The following FBXO28 variants were observed in gnomAD, a reference collection of about 807,000 sequenced individuals.
The protein encoded by FBXO28 is F-box only protein 28.
A neutral mutation model predicts 38.1 loss-of-function variants in FBXO28; 8 were observed. The observed-to-expected ratio is 0.21, with a 90% CI of 0.12 to 0.38. The LOEUF is 0.38. Among genes scored for constraint, FBXO28 ranks in the 10% least tolerant of loss-of-function variants. The probability of loss-of-function intolerance (pLI) is 1.00; values close to 1 mark genes in which losing one functional copy is unlikely to be tolerated. For missense variants in FBXO28, 345 were observed against 460.6 expected (o/e 0.75, Z 2.30); for synonymous variants, 168 against 173.8 (o/e 0.97, Z 0.26).
chr1:224,130,774 C>A, intron 2 of FBXO28, 193 bp downstream of exon 2: 1 of 461,072 alleles, frequency 2.2e-6, no homozygotes, highest in Non-Finnish European at 3.9e-6. Context: ...GAGGTTCTAG[C>A]CAGAGAAATT....
intron 2 of FBXO28, 41 bp from the exon 3 acceptor site, chr1:224,134,033 C>A: frequency 7.0e-7 from 1 of 1,426,594 alleles, no homozygotes; most frequent in Non-Finnish European, 9.2e-7. Context: ...CACAATACTG[C>A]TTTAATGGTT....
At chr1:224,133,828 A>AATATAT (rs5781349) in intron 2 of FBXO28, among the ~76,000 whole-genome samples, 23 of 148,628 alleles carry the variant, frequency 1.5e-4, no homozygotes, top group African/African-American at 5.4e-4. Context: ...ACCTAATTAA[A>AATATAT]ATATATATAT....
intron 3 of FBXO28, among the ~76,000 whole-genome samples, chr1:224,135,261 T>C (rs915885829): frequency 3.3e-5 from 5 of 152,152 alleles, no homozygotes; most frequent in Admixed American, 2.0e-4. Flanking sequence ...AACTTTTAAG[T>C]GTTCCTGAGT....
At chr1:224,144,522 G>A (rs977571061) in intron 3 of FBXO28, among the ~76,000 whole-genome samples, 1 of 152,106 alleles carries the variant, frequency 6.6e-6, no homozygotes, top group Non-Finnish European at 1.5e-5. Flanking sequence ...CACTTTGGGA[G>A]GCGGAGGTGT....
At chr1:224,156,554 A>C (rs1320099127) in intron 4 of FBXO28, among the ~76,000 whole-genome samples, 2 of 152,156 alleles carry the variant, frequency 1.3e-5, no homozygotes, top group Non-Finnish European at 2.9e-5. Flanking sequence ...CCACATTCCA[A>C]AATGCTCCAA....
intron 4 of FBXO28, among the ~76,000 whole-genome samples, chr1:224,155,275 C>T (rs1319478405): frequency 6.6e-6 from 1 of 152,152 alleles, no homozygotes; most frequent in Admixed American, 6.5e-5. Flanking sequence ...AAGCAATTCT[C>T]CCGCCTCAGC....
At chr1:224,143,474 G>GC (rs1657415975) in intron 3 of FBXO28, among the ~76,000 whole-genome samples, 1 of 152,098 alleles carries the variant, frequency 6.6e-6, no homozygotes, top group African/African-American at 2.4e-5. Flanking sequence ...GGTGCCCTGA[G>GC]CTGCTAGGAT....
chr1:224,149,141 G>A (rs1461988446), intron 3 of FBXO28, among the ~76,000 whole-genome samples: 1 of 151,986 alleles, frequency 6.6e-6, no homozygotes, highest in East Asian at 1.9e-4. Context: ...ATAAGGCTGT[G>A]GGTATTTTAT....
chr1:224,126,651 T>C (rs935967630), intron 1 of FBXO28, among the ~76,000 whole-genome samples: 3 of 151,920 alleles, frequency 2.0e-5, no homozygotes, highest in Non-Finnish European at 4.4e-5. Context: ...CCCATCTCTA[T>C]TACGAAAAAT....
intron 3 of FBXO28, among the ~76,000 whole-genome samples, chr1:224,134,663 A>G (rs1041142048): frequency 6.6e-6 from 1 of 152,332 alleles, no homozygotes; most frequent in East Asian, 1.9e-4. Context: ...AACAATTGCT[A>G]TTTACCAATA....
At chr1:224,149,586 A>T (rs950764085) in intron 3 of FBXO28, among the ~76,000 whole-genome samples, 2 of 151,724 alleles carry the variant, frequency 1.3e-5, no homozygotes, top group Non-Finnish European at 2.9e-5. Context: ...AATATACTTA[A>T]CCATCTTTAC....
At position 224,130,446 on chromosome 1, in the gene FBXO28, A is replaced by ATT. The variant is rs757395934; in HGVS notation, c.268-22_268-21dup. On this transcript the variant is annotated intron_variant, in intron 1 of 4. Coordinates refer to ENST00000366862, the MANE Select transcript of FBXO28 (RefSeq NM_015176.4). ...TTGTCTCTTATTAATTTGGTTATTG[A>ATT]TTTTTGTTCTTTTTTCTCCTTGAAG... 7 of 855,570 alleles carry ATT rather than the reference A, an allele frequency of 8.2e-6. No homozygotes were observed. In the East Asian group the frequency reaches 2.2e-4, roughly 27 times the overall value. 53.0% of individuals were successfully genotyped at this position (855,570 alleles called of 1,614,324 possible). A position where few individuals can be genotyped will look rare whatever the true frequency, so the allele number is the denominator to read the frequency against.
chr1:224,116,330 A>G (rs1656642413), intron 1 of FBXO28, among the ~76,000 whole-genome samples: 4 of 152,202 alleles, frequency 2.6e-5, no homozygotes. Context: ...AGGTGTCAGC[A>G]TTAATTTAAT....
intron 3 of FBXO28, among the ~76,000 whole-genome samples, chr1:224,135,170 G>A (rs1657144423): frequency 6.6e-6 from 1 of 152,124 alleles, no homozygotes; most frequent in South Asian, 2.1e-4. Context: ...GCTTTTTGTA[G>A]GGTGCTATAA....
At chr1:224,150,784 G>T (rs907803318) in intron 3 of FBXO28, among the ~76,000 whole-genome samples, 6 of 152,210 alleles carry the variant, frequency 3.9e-5, no homozygotes, top group Admixed American at 3.9e-4. Context: ...CCCATCTCAT[G>T]TTATTCCTGC....
intron 4 of FBXO28, among the ~76,000 whole-genome samples, chr1:224,155,315 G>A (rs1657748538): frequency 6.6e-6 from 1 of 151,966 alleles, no homozygotes; most frequent in African/African-American, 2.4e-5. Context: ...ACAGGCGTGT[G>A]CCACCACGCC....
intron 1 of FBXO28, among the ~76,000 whole-genome samples, chr1:224,122,032 G>T (rs752463440): frequency 3.9e-5 from 6 of 152,148 alleles, no homozygotes; most frequent in Non-Finnish European, 5.9e-5. Flanking sequence ...CCTTGGCCTC[G>T]CAAAGTGCTG....
intron 1 of FBXO28, among the ~76,000 whole-genome samples, chr1:224,124,320 T>C (rs2102612474): frequency 6.6e-6 from 1 of 152,352 alleles, no homozygotes; most frequent in South Asian, 2.1e-4. Flanking sequence ...GCTATATCTT[T>C]GTTCTTCAGT....
chr1:224,156,935 G>A (rs948051255), intron 4 of FBXO28, among the ~76,000 whole-genome samples: 5 of 151,404 alleles, frequency 3.3e-5, no homozygotes, highest in Non-Finnish European at 5.9e-5. Flanking sequence ...CCAGGAGGCG[G>A]AGCTTGCAGT....
Sources: gnomAD v4.1 joint callset for allele counts (sites outside exome capture counted in the v4.1 genomes callset) on GRCh38, gnomAD v4.1.1 for gene constraint, MANE v1.5 for transcripts, NCBI Gene and HGNC (gene_info 2026-07-23, HGNC 2026-07-21) for gene names.